The following TBCA variants were observed in gnomAD, a reference collection of about 807,000 sequenced individuals.
TBCA encodes tubulin folding cofactor A, also known as tubulin-specific chaperone A.
Under a neutral mutation model 15.8 loss-of-function variants are expected in TBCA, and 6 were observed. The observed-to-expected ratio is 0.38, with a 90% CI of 0.21 to 0.75. The LOEUF (loss-of-function observed/expected upper bound fraction) is 0.75. Among genes scored for constraint, TBCA ranks in the 30% least tolerant of loss-of-function variants. The pLI, the probability that TBCA is intolerant of heterozygous loss-of-function variation, is 0.46. For synonymous variants in TBCA, 32 were observed against 42.3 expected, an observed-to-expected ratio of 0.76 and a Z score of 0.94; for missense variants, 90 against 131.2, an observed-to-expected ratio of 0.69 and a Z score of 1.53.
At position 77,729,822 on chromosome 5, in the gene TBCA, G is replaced by A. The variant is rs150788884; in HGVS notation, c.54-21475C>T. Among the ~76,000 whole-genome samples, 35 of 152,194 alleles carry A rather than the reference G, an allele frequency of 2.3e-4. No homozygotes were observed. The East Asian group carries it at 6.0e-3, about 26-fold the overall frequency. Reference sequence around the variant, plus strand: ...TCATGTTAGTTAATACATTCTCTTTGTGAAAATGGTAATACAACATATCAG... The same window carrying A: ...TCATGTTAGTTAATACATTCTCTTTATGAAAATGGTAATACAACATATCAG... On this transcript the variant is annotated intron_variant, in intron 1 of 3. Coordinates refer to ENST00000380377, the MANE Select transcript of TBCA (RefSeq NM_004607.3).
chr5:77,776,229 T>C lies in TBCA; in HGVS notation c.29A>G (p.Lys10Arg). The change falls in exon 1 of 4, where the codon AAG becomes AGG. Residue 10 changes from lysine to arginine, a missense_variant. By Grantham distance (26) the Lys-to-Arg change is conservative. Coordinates refer to ENST00000380377, the MANE Select transcript of TBCA (RefSeq NM_004607.3). MADPRVRQIKIKTGVVKRLV... is the reference protein window; with the variant it reads MADPRVRQIRIKTGVVKRLV... ...CCGCTTCACCACGCCGGTCTTGATC[T>C]TGATCTGTCTCACGCGAGGATCGGC... 2 of 1,577,310 alleles carry C rather than the reference T, an allele frequency of 1.3e-6. No homozygotes were observed. The highest frequency in any genetic ancestry group is 1.7e-6 in the Non-Finnish European group (2 of 1,162,560).
At chr5:77,692,435 C>CATTATT (rs757164327) in intron 3 of TBCA, 1 of 949,520 alleles carries the variant, frequency 1.1e-6, no homozygotes, top group South Asian at 4.9e-5. Context: ...CATCCAAATA[C>CATTATT]ATTATTATTA....
chr5:77,754,483 T>G (rs1747428138), intron 1 of TBCA, among the ~76,000 whole-genome samples: 2 of 152,348 alleles, frequency 1.3e-5, no homozygotes, highest in South Asian at 4.1e-4. Flanking sequence ...TTATGACAAG[T>G]TTATTTACAA....
At chr5:77,692,674 C>T (rs1305576100) in intron 3 of TBCA, 11 of 983,460 alleles carry the variant, frequency 1.1e-5, no homozygotes, top group Non-Finnish European at 1.3e-5. Context: ...TCAAGAAATA[C>T]AAATGATGCT....
chr5:77,761,988 C>G (rs77441920), intron 1 of TBCA, among the ~76,000 whole-genome samples: 3,124 of 152,328 alleles, frequency 0.021, 42 homozygotes, highest in South Asian at 0.03. Flanking sequence ...CATGCAGAAT[C>G]AGTTTCTGTG....
intron 1 of TBCA, among the ~76,000 whole-genome samples, chr5:77,714,569 A>ATTTT (rs1397824632): frequency 2.1e-4 from 25 of 119,460 alleles, no homozygotes; most frequent in African/African-American, 5.7e-4. Context: ...TACTATTATT[A>ATTTT]TTATTATTTT....
chr5:77,760,771 C>A (rs944472606), intron 1 of TBCA, among the ~76,000 whole-genome samples: 2 of 152,326 alleles, frequency 1.3e-5, no homozygotes, highest in South Asian at 4.1e-4. Flanking sequence ...CAGCTCGCTA[C>A]AACCTCCACC....
chr5:77,776,296 G>A lies in TBCA; in HGVS notation c.-39C>T, dbSNP rs201384173. 1.2e-4 allele frequency: 185 copies of A among 1,561,406 alleles called. 1 individual carries two copies. The East Asian group carries it at 3.4e-3, about 29-fold the overall frequency. ...CCGCGAGAAGGAGGGGCGGAGAGCC[G>A]GGGTAACCGTGGAGGGCGACGCGCA... On this transcript the variant is annotated 5_prime_UTR_variant, in exon 1 of 4. Coordinates refer to ENST00000380377, the MANE Select transcript of TBCA (RefSeq NM_004607.3).
In TBCA at chr5:77,719,240, C is replaced by T. The variant is rs1746474232; in HGVS notation, c.54-10893G>A. ...ATGAAAACAGGATGTGAAATCATGACTTCTAACTTCAAGTGTCAATATTTT... is the reference window on the plus strand; with the variant it reads ...ATGAAAACAGGATGTGAAATCATGATTTCTAACTTCAAGTGTCAATATTTT... On this transcript the variant is annotated intron_variant, in intron 1 of 3. Coordinates refer to ENST00000380377, the MANE Select transcript of TBCA (RefSeq NM_004607.3). Among the ~76,000 whole-genome samples, 3 of 152,200 alleles carry T rather than the reference C, an allele frequency of 2.0e-5. No homozygotes were observed. In the South Asian group the frequency reaches 6.2e-4, roughly 31 times the overall value.
chr5:77,712,349 G>A (rs2112444322), intron 1 of TBCA, among the ~76,000 whole-genome samples: 1 of 152,172 alleles, frequency 6.6e-6, no homozygotes, highest in Non-Finnish European at 1.5e-5. Context: ...TCTGTAATAA[G>A]GCTGAGCATC....
At chr5:77,744,427 T>C (rs1747127774) in intron 1 of TBCA, among the ~76,000 whole-genome samples, 1 of 151,766 alleles carries the variant, frequency 6.6e-6, no homozygotes, top group Non-Finnish European at 1.5e-5. Context: ...TCTGAAAAAC[T>C]GCCATAGAGG....
intron 1 of TBCA, among the ~76,000 whole-genome samples, chr5:77,754,867 T>C (rs1274289297): frequency 1.3e-5 from 2 of 152,246 alleles, no homozygotes; most frequent in African/African-American, 4.8e-5. Context: ...ACCAATAATT[T>C]AAAAGTTACA....
chr5:77,708,224 T>C lies in TBCA; in HGVS notation c.159+18A>G, dbSNP rs112861283. The C allele has an allele frequency of 8.1e-7, 1 of 1,229,168 alleles. No individual in the cohort carries two copies. Among genetic ancestry groups the C allele is most frequent in the South Asian group, 1.5e-5 (1 of 67,562 alleles). 76.1% of individuals were successfully genotyped at this position (1,229,168 alleles called of 1,614,324 possible). ...ATTCTGTAAATGTTAGCTATTGTTA[T>C]TTATGATATAATTTTACCTGCTTTT... On this transcript the variant is annotated intron_variant, in intron 2 of 3. Transcript: ENST00000380377.
chr5:77,708,999 TA>T (rs201697246), intron 1 of TBCA, among the ~76,000 whole-genome samples: 5 of 146,312 alleles, frequency 3.4e-5, no homozygotes, highest in Admixed American at 6.9e-5. Context: ...TTTTTTTTTT[TA>T]AATATGTCTT....
intron 1 of TBCA, among the ~76,000 whole-genome samples, chr5:77,754,239 A>G (rs1454180630): frequency 6.6e-6 from 1 of 152,196 alleles, no homozygotes; most frequent in African/African-American, 2.4e-5. Context: ...ACTTTTCTTT[A>G]ACCTTTCTTA....
intron 1 of TBCA, among the ~76,000 whole-genome samples, chr5:77,716,074 T>A (rs1246728335): frequency 6.6e-6 from 1 of 152,254 alleles, no homozygotes; most frequent in Non-Finnish European, 1.5e-5. Context: ...CTTTTGATCC[T>A]ATTTAAGTAG....
rs1266426793 is a variant in TBCA, at chr5:77,693,659, C to T, written c.160-307G>A. 1.8e-4 allele frequency: 53 copies of T among 299,742 alleles called. 3 individuals are homozygous for T. Among genetic ancestry groups the T allele is most frequent in the South Asian group, 1.5e-3 (49 of 32,508 alleles). 18.6% of individuals were successfully genotyped at this position (299,742 alleles called of 1,614,324 possible). A position where few individuals can be genotyped will look rare whatever the true frequency, so the allele number is the denominator to read the frequency against. Reference sequence around the variant, plus strand: ...TACTAAAAATACAAAATTAGCAGGGCGTGGTGGAGCATGCCTGTAATCCCA... The same window carrying T: ...TACTAAAAATACAAAATTAGCAGGGTGTGGTGGAGCATGCCTGTAATCCCA... On this transcript the variant is annotated intron_variant, in intron 2 of 3. Transcript: ENST00000380377.
At chr5:77,705,787 C>A (rs1379497763) in intron 2 of TBCA, among the ~76,000 whole-genome samples, 4 of 152,100 alleles carry the variant, frequency 2.6e-5, no homozygotes, top group Non-Finnish European at 2.9e-5. Flanking sequence ...GCTAGGATCA[C>A]ACCACCGTAC....
At chr5:77,746,304 G>A (rs1044170044) in intron 1 of TBCA, among the ~76,000 whole-genome samples, 1 of 151,996 alleles carries the variant, frequency 6.6e-6, no homozygotes, top group Non-Finnish European at 1.5e-5. Context: ...TTTTAATAAT[G>A]AAGACTTGTT....
Sources: gnomAD v4.1 joint callset for allele counts (sites outside exome capture counted in the v4.1 genomes callset) on GRCh38, gnomAD v4.1.1 for gene constraint, MANE v1.5 for transcripts, NCBI Gene and HGNC (gene_info 2026-07-23, HGNC 2026-07-21) for gene names.